DAB1: variants seen among roughly 807,000 people sequenced by gnomAD.
DAB1 encodes the protein disabled homolog 1.
DAB1 carries 15 observed loss-of-function variants against 64.6 expected under a neutral mutation model. The ratio of observed to expected loss-of-function variants is 0.23; its 90% CI spans 0.16 to 0.36. The LOEUF is 0.36. Ranked by LOEUF, DAB1 falls within the 10% of genes least tolerant of loss-of-function variation. The pLI is 1.00. For synonymous variants in DAB1, 235 were observed against 251.9 expected, an observed-to-expected ratio of 0.93 and a Z score of 0.64; for missense variants, 596 against 706.7, an observed-to-expected ratio of 0.84 and a Z score of 1.78.
At chr1:57,678,618 G>T (rs2101693820) in intron 6 of DAB1, among the ~76,000 whole-genome samples, 1 of 152,226 alleles carries the variant, frequency 6.6e-6, no homozygotes, top group South Asian at 2.1e-4. Flanking sequence ...AGGAAGGCTG[G>T]AGGGTATTGT....
At chr1:57,518,849 A>C (rs908457823) in intron 7 of DAB1, among the ~76,000 whole-genome samples, 6 of 152,350 alleles carry the variant, frequency 3.9e-5, no homozygotes, top group Middle Eastern at 3.4e-3. Flanking sequence ...TTATGTTAGT[A>C]ACAAACCTTT....
At chr1:58,495,729 A>C (rs1177654339) in intron 3 of DAB1, among the ~76,000 whole-genome samples, 1 of 151,956 alleles carries the variant, frequency 6.6e-6, no homozygotes, top group African/African-American at 2.4e-5. Context: ...GTTTTTGTAG[A>C]TATCATACCA....
intron 6 of DAB1, among the ~76,000 whole-genome samples, chr1:57,790,975 A>T (rs916670204): frequency 1.3e-5 from 2 of 152,240 alleles, no homozygotes; most frequent in Non-Finnish European, 2.9e-5. Context: ...TAGTGACAAT[A>T]GTCATTGTAA....
At chr1:57,449,104 C>T (rs1345013176) in intron 7 of DAB1, among the ~76,000 whole-genome samples, 1 of 152,146 alleles carries the variant, frequency 6.6e-6, no homozygotes, top group East Asian at 1.9e-4. Flanking sequence ...AGAGGCACAA[C>T]TTGCCCCTGC....
rs114276212 is a variant in DAB1, at chr1:58,407,023, C to T, written n.258-63620G>A. 3.5e-3 allele frequency among the ~76,000 whole-genome samples: 529 copies of T among 152,302 alleles called. 5 individuals carry two copies. The highest frequency in any genetic ancestry group is 0.011 in the African/African-American group (476 of 41,554). Reference sequence around the variant, plus strand: ...CAGTAGCAGAGAAATAGAGATGTGACATTTTGAACTGTTATTATATATTTC... The same window carrying T: ...CAGTAGCAGAGAAATAGAGATGTGATATTTTGAACTGTTATTATATATTTC... On this transcript the variant is annotated intron_variant and non_coding_transcript_variant, in intron 3 of 20. Transcript: ENST00000485760.
At chr1:58,178,402 A>C (rs922798591) in intron 4 of DAB1, among the ~76,000 whole-genome samples, 1 of 152,182 alleles carries the variant, frequency 6.6e-6, no homozygotes. Flanking sequence ...CTAATCTCTA[A>C]TATCTCTGAA....
chr1:57,564,880 C>T (rs1439036957), intron 7 of DAB1, among the ~76,000 whole-genome samples: 2 of 152,144 alleles, frequency 1.3e-5, no homozygotes, highest in African/African-American at 2.4e-5. Flanking sequence ...ACTTCCCCAA[C>T]TTAGCAAGGC....
At chr1:57,647,214 C>A (rs569221499) in intron 7 of DAB1, among the ~76,000 whole-genome samples, 5 of 152,186 alleles carry the variant, frequency 3.3e-5, no homozygotes, top group Non-Finnish European at 5.9e-5. Flanking sequence ...TCTCCACTGA[C>A]ACTGCCCTAG....
intron 3 of DAB1, among the ~76,000 whole-genome samples, chr1:58,470,114 C>CTCTT (rs1553120108): frequency 1.4e-5 from 2 of 145,938 alleles, no homozygotes; most frequent in Admixed American, 1.4e-4. Context: ...CTGGGACTTT[C>CTCTT]TCTTTATTTA....
intron 4 of DAB1, among the ~76,000 whole-genome samples, chr1:58,175,246 C>G (rs1656403034): frequency 1.3e-5 from 2 of 152,296 alleles, no homozygotes; most frequent in South Asian, 2.1e-4. Context: ...TCCGGATGCA[C>G]CACCTTTAAG....
chr1:57,232,482 C>T lies in DAB1; in HGVS notation c.67+58482G>A, dbSNP rs192739574. ...TAGACAACGGGAATACAAAAATGAG[C>T]AAGAGAGATGGTTCCTCCTGCCTCA... is the stretch of plus-strand genomic sequence containing the variant. On this transcript the variant is annotated intron_variant, in intron 2 of 14. Transcript: ENST00000371236. Among the ~76,000 whole-genome samples the T allele has an allele frequency of 1.3e-5, 2 of 152,132 alleles. 1 individual carries two copies. Among genetic ancestry groups the T allele is most frequent in the Admixed American group, 1.3e-4 (2 of 15,282 alleles).
At chr1:58,276,870 G>T (rs1661458058) in intron 4 of DAB1, among the ~76,000 whole-genome samples, 1 of 151,940 alleles carries the variant, frequency 6.6e-6, no homozygotes, top group Admixed American at 6.6e-5. Flanking sequence ...ACGAGATCAT[G>T]ACTTGATGAA....
intron 7 of DAB1, among the ~76,000 whole-genome samples, chr1:57,505,078 AATAGTTAAT>A (rs557466988): frequency 1.3e-3 from 200 of 152,320 alleles, no homozygotes; most frequent in African/African-American, 3.8e-3. Flanking sequence ...AGGTATGGGC[AATAGTTAAT>A]AATCATGTAT....
chr1:57,058,984 G>GT (rs1650115461), intron 9 of DAB1, among the ~76,000 whole-genome samples: 1 of 152,214 alleles, frequency 6.6e-6, no homozygotes, highest in South Asian at 2.1e-4. Flanking sequence ...GCAAAGAGAA[G>GT]TATTAGAGGT....
At chr1:57,817,426 C>T (rs1001844635) in intron 6 of DAB1, among the ~76,000 whole-genome samples, 2 of 152,224 alleles carry the variant, frequency 1.3e-5, no homozygotes, top group East Asian at 3.8e-4. Flanking sequence ...CATGAAGGGT[C>T]AGACATCACG....
intron 5 of DAB1, among the ~76,000 whole-genome samples, chr1:57,948,647 T>A (rs969642327): frequency 2.6e-5 from 4 of 152,174 alleles, no homozygotes; most frequent in African/African-American, 9.6e-5. Flanking sequence ...TTGATTCAGG[T>A]CCCCAGGCCC....
At chr1:57,506,150 G>A (rs925149359) in intron 7 of DAB1, among the ~76,000 whole-genome samples, 11 of 152,302 alleles carry the variant, frequency 7.2e-5, no homozygotes, top group African/African-American at 2.4e-4. Context: ...GCCCAGCAGG[G>A]CTGTTGAAAT....
chr1:57,241,872 C>A (rs1007377430), intron 2 of DAB1, among the ~76,000 whole-genome samples: 2 of 152,146 alleles, frequency 1.3e-5, no homozygotes, highest in Non-Finnish European at 2.9e-5. Flanking sequence ...ATATCAACAC[C>A]CTTGCATTCT....
chr1:58,048,691 G>A (rs1647411574), intron 5 of DAB1: 1 of 1,326,870 alleles, frequency 7.5e-7, no homozygotes. Flanking sequence ...CACCACCAAA[G>A]TTTCCAGAAC....
Sources: allele counts gnomAD v4.1 joint callset (sites outside exome capture counted in the v4.1 genomes callset), GRCh38; gene constraint gnomAD v4.1.1; transcripts MANE v1.5; gene names NCBI Gene and HGNC (gene_info 2026-07-23, HGNC 2026-07-21).